Variants in DGKB observed in about 807,000 individuals in gnomAD.
DGKB encodes the protein diacylglycerol kinase beta, also known as 90 kDa diacylglycerol kinase.
Under a neutral mutation model 114.3 loss-of-function variants are expected in DGKB, and 67 were observed. That is an observed-to-expected ratio of 0.59 (90% CI 0.48 to 0.72). The LOEUF is 0.72. Among genes scored for constraint, DGKB ranks in the 30% least tolerant of loss-of-function variants. The pLI, the probability that DGKB is intolerant of heterozygous loss-of-function variation, is 0.00. For missense variants in DGKB, 907 were observed against 975.2 expected (o/e 0.93, Z 0.93); for synonymous variants, 398 against 323.1 (o/e 1.23, Z -2.49).
intron 1 of DGKB, among the ~76,000 whole-genome samples, chr7:14,941,384 C>A (rs1785563402): frequency 6.6e-6 from 1 of 151,996 alleles, no homozygotes; most frequent in East Asian, 1.9e-4. Context: ...TGGGATCCAG[C>A]TAATTAAAAT....
intron 25 of DGKB, among the ~76,000 whole-genome samples, chr7:14,158,984 T>A (rs960316531): frequency 6.6e-6 from 1 of 152,202 alleles, no homozygotes; most frequent in East Asian, 1.9e-4. Context: ...TGAACAATTA[T>A]AGAATTCTTC....
chr7:14,755,640 T>C (rs1834764560), intron 3 of DGKB, among the ~76,000 whole-genome samples: 1 of 152,086 alleles, frequency 6.6e-6, no homozygotes, highest in Admixed American at 6.6e-5. Flanking sequence ...GTAAGAGTAA[T>C]TTTTTATAAA....
Position 14,607,423 on chromosome 7 carries a change from C to T in DGKB, c.1433+11G>A. 2 of 1,410,548 alleles carry T rather than the reference C, an allele frequency of 1.4e-6. No homozygotes were observed. Among genetic ancestry groups the T allele is most frequent in the Non-Finnish European group, 2.0e-6 (2 of 999,504 alleles). The allele number at this position is 1,410,548 out of a possible 1,614,324, so 87.4% of individuals were successfully genotyped here. On this transcript the variant is annotated intron_variant, in intron 17 of 25. Coordinates refer to ENST00000402815, the MANE Select transcript of DGKB (RefSeq NM_001350709.2). ...CTGAGTTAATGGTAATAATATTATC[C>T]TTGGACTTACCCTGGCATTGGTCCA... is the stretch of plus-strand genomic sequence containing the variant.
chr7:14,167,909 T>C (rs868079575), intron 25 of DGKB, among the ~76,000 whole-genome samples: 1 of 152,044 alleles, frequency 6.6e-6, no homozygotes, highest in Non-Finnish European at 1.5e-5. Flanking sequence ...GTTCAGAATA[T>C]AATAAAAAGT....
intron 23 of DGKB, among the ~76,000 whole-genome samples, chr7:14,242,765 A>T (rs1398107151): frequency 6.6e-6 from 1 of 152,154 alleles, no homozygotes; most frequent in Non-Finnish European, 1.5e-5. Context: ...ATAACCTCCA[A>T]GTCAATAATA....
At chr7:14,651,602 GCT>G (rs1458989759) in intron 13 of DGKB, among the ~76,000 whole-genome samples, 2 of 141,358 alleles carry the variant, frequency 1.4e-5, no homozygotes, top group Admixed American at 7.3e-5. Context: ...ACAGGGATGC[GCT>G]CTCTCACCAC....
At position 14,593,834 on chromosome 7, in the gene DGKB, A is replaced by AAAAAAAC. The variant is rs1430007801; in HGVS notation, c.1434-10698_1434-10697insGTTTTTT. On this transcript the variant is annotated intron_variant, in intron 17 of 25. Coordinates refer to ENST00000402815, the MANE Select transcript of DGKB (RefSeq NM_001350709.2). ...AATGGTCCAGTTAAAAAAAGAAAAAAACAACACAGGAGATTTGCAGCATCC... is the reference window on the plus strand; with the variant it reads ...AATGGTCCAGTTAAAAAAAGAAAAAAAAAAAACACAACACAGGAGATTTGCAGCATCC... Among the ~76,000 whole-genome samples the AAAAAAAC allele has an allele frequency of 3.2e-3, 491 of 151,548 alleles. 2 individuals carry two copies. The highest frequency in any genetic ancestry group is 0.011 in the African/African-American group (456 of 41,306).
intron 23 of DGKB, among the ~76,000 whole-genome samples, chr7:14,311,596 TTG>T (rs959922254): frequency 2.0e-5 from 3 of 152,046 alleles, no homozygotes; most frequent in African/African-American, 4.8e-5. Flanking sequence ...CGAACTTCTT[TTG>T]TGTTTTTTGT....
intron 21 of DGKB, among the ~76,000 whole-genome samples, chr7:14,426,211 T>C (rs1422772200): frequency 6.6e-6 from 1 of 152,220 alleles, no homozygotes; most frequent in African/African-American, 2.4e-5. Context: ...TGGAAGACAG[T>C]GGCTCTGTCT....
intron 23 of DGKB, among the ~76,000 whole-genome samples, chr7:14,198,167 G>A (rs377606613): frequency 9.2e-5 from 14 of 152,082 alleles, no homozygotes; most frequent in South Asian, 8.3e-4. Flanking sequence ...GATCTGCTTC[G>A]CATAAATCAT....
At chr7:14,821,445 G>A (rs1225732900) in intron 2 of DGKB, among the ~76,000 whole-genome samples, 2 of 152,144 alleles carry the variant, frequency 1.3e-5, no homozygotes, top group African/African-American at 4.8e-5. Context: ...TATCAGAGAG[G>A]AGGAACTTCA....
At chr7:14,667,850 C>T (rs1818306105) in intron 13 of DGKB, among the ~76,000 whole-genome samples, 1 of 152,180 alleles carries the variant, frequency 6.6e-6, no homozygotes, top group African/African-American at 2.4e-5. Flanking sequence ...TTAATTCGGA[C>T]TTAGCTAGGT....
At chr7:14,365,528 T>C (rs1222924358) in intron 21 of DGKB, among the ~76,000 whole-genome samples, 1 of 152,070 alleles carries the variant, frequency 6.6e-6, no homozygotes, top group Non-Finnish European at 1.5e-5. Flanking sequence ...TTCCTTTTTC[T>C]ATACGCTAGT....
intron 20 of DGKB, among the ~76,000 whole-genome samples, chr7:14,562,238 G>C (rs964930932): frequency 6.6e-6 from 1 of 152,222 alleles, no homozygotes; most frequent in East Asian, 1.9e-4. Context: ...AGATTTCAGA[G>C]GATGTATGGA....
At chr7:14,622,488 T>A (rs752456180) in intron 14 of DGKB, among the ~76,000 whole-genome samples, 15 of 152,178 alleles carry the variant, frequency 9.9e-5, no homozygotes, top group Non-Finnish European at 1.6e-4. Flanking sequence ...AATTTCCACA[T>A]GCAGATGCTG....
At chr7:14,714,535 G>T (rs11982024) in intron 6 of DGKB, among the ~76,000 whole-genome samples, 6,921 of 152,080 alleles carry the variant, frequency 0.046, 526 homozygotes, top group African/African-American at 0.16. Flanking sequence ...AAGTATGTTA[G>T]TTGATAAGGT....
intron 1 of DGKB, among the ~76,000 whole-genome samples, chr7:14,898,006 A>G (rs926108135): frequency 6.6e-6 from 1 of 152,020 alleles, no homozygotes; most frequent in Non-Finnish European, 1.5e-5. Context: ...CCCTTCCTCA[A>G]TGTAAAAAAC....
intron 2 of DGKB, among the ~76,000 whole-genome samples, chr7:14,797,917 G>C (rs76461709): frequency 6.6e-6 from 1 of 152,084 alleles, no homozygotes; most frequent in Non-Finnish European, 1.5e-5. Context: ...AGTGGAATAA[G>C]GTACATGGAC....
intron 13 of DGKB, among the ~76,000 whole-genome samples, chr7:14,666,229 C>T (rs1817994792): frequency 6.6e-6 from 1 of 151,884 alleles, no homozygotes; most frequent in Non-Finnish European, 1.5e-5. Flanking sequence ...TCCAACATAT[C>T]TTTTTTTGTT....
Sources: gnomAD v4.1 joint callset for allele counts (sites outside exome capture counted in the v4.1 genomes callset) on GRCh38, gnomAD v4.1.1 for gene constraint, MANE v1.5 for transcripts, NCBI Gene and HGNC (gene_info 2026-07-23, HGNC 2026-07-21) for gene names.